ACSL5: variants seen among roughly 807,000 people sequenced by gnomAD.
ACSL5 encodes the protein acyl-CoA synthetase long chain family member 5.
In ACSL5, 50 loss-of-function variants were observed where a neutral mutation model predicts 84.9. The observed-to-expected ratio is 0.59, with a 90% confidence interval of 0.47 to 0.75. The LOEUF is 0.75. ACSL5 is among the 30% of genes least tolerant of loss of function. The pLI, the probability that ACSL5 is intolerant of heterozygous loss-of-function variation, is 0.00. For synonymous variants in ACSL5, 280 were observed against 300.7 expected (o/e 0.93, Z 0.71); for missense variants, 775 against 830.4 (o/e 0.93, Z 0.82).
chr10:112,398,414 T>C (rs996145000), intron 2 of ACSL5, among the ~76,000 whole-genome samples: 8 of 151,770 alleles, frequency 5.3e-5, no homozygotes, highest in African/African-American at 1.9e-4. Context: ...TTTTCTTTTT[T>C]TTTTTTCTGA....
Position 112,413,285 on chromosome 10 carries a change from T to C in ACSL5, c.1061T>C (p.Leu354Pro), listed in dbSNP as rs775916555. 2 of 1,614,074 alleles carry C rather than the reference T, an allele frequency of 1.2e-6. No individual in the cohort carries two copies. Among genetic ancestry groups the C allele is most frequent in the African/African-American group, 1.3e-5 (1 of 74,950 alleles). The change falls in exon 12 of 21, where the codon CTC becomes CCC. Residue 354 changes from leucine (L) to proline (P), a missense_variant. By Grantham distance (98) the Leu-to-Pro change is moderately conservative (BLOSUM62 -3). Transcript: ENST00000354655. ...KPTLFPAVPR[L>P]LNRIYDKVQN... ...ACATTGTTTCCCGCGGTGCCTCGAC[T>C]CCTTAACAGGATCTACGATAAGGTA...
chr10:112,411,974 G>A lies in ACSL5; in HGVS notation c.943G>A (p.Val315Ile), dbSNP rs757243140. The change falls in exon 11 of 21, where the codon GTA (valine) becomes ATA (isoleucine). Residue 315 changes from valine to isoleucine, a missense_variant. Physicochemically the swap from Val to Ile is conservative, Grantham distance 29. Transcript: ENST00000354655. Reference protein sequence around the residue: ...LPLAHMFERIVQAVVYSCGAR... With the variant: ...LPLAHMFERIIQAVVYSCGAR... Reference sequence around the variant, plus strand: ...TCTGGCTCATATGTTTGAGAGGATTGTACAGGTGAGTGTTCTGTGTTCCTA... The same window carrying A: ...TCTGGCTCATATGTTTGAGAGGATTATACAGGTGAGTGTTCTGTGTTCCTA... 6.2e-7 allele frequency: 1 copy of A among 1,611,778 alleles called. No individual in the cohort carries two copies. Among genetic ancestry groups the A allele is most frequent in the Non-Finnish European group, 8.5e-7 (1 of 1,177,820 alleles).
chr10:112,410,574 C>T lies in ACSL5; in HGVS notation c.745-10C>T. ...CATGGTGGAATAAGCCCTTGTGCTT[C>T]CTCCTCCAGCCTCCTAGCCCAGAAG... On this transcript the variant is annotated splice_polypyrimidine_tract_variant and intron_variant, in intron 8 of 20. Coordinates refer to ENST00000354655, the MANE Select transcript of ACSL5 (RefSeq NM_203379.2). 1 of 1,614,124 alleles carries T rather than the reference C, an allele frequency of 6.2e-7. No individual in the cohort carries two copies. Among genetic ancestry groups the T allele is most frequent in the Non-Finnish European group, 8.5e-7 (1 of 1,180,022 alleles).
chr10:112,411,604 G>A (rs1366575616), intron 10 of ACSL5, 75 bp downstream of exon 10: 1 of 1,364,744 alleles, frequency 7.3e-7, no homozygotes, highest in African/African-American at 1.4e-5. Context: ...TGAGGTTAGA[G>A]CAGGCAGACA....
chr10:112,425,935 G>A (rs983637170), intron 18 of ACSL5, among the ~76,000 whole-genome samples: 9 of 152,110 alleles, frequency 5.9e-5, no homozygotes, highest in Admixed American at 5.9e-4. Context: ...CCAAAACAAC[G>A]AACTGTTTTA....
intron 1 of ACSL5, among the ~76,000 whole-genome samples, chr10:112,378,317 G>T (rs889686636): frequency 1.6e-5 from 2 of 126,398 alleles, no homozygotes; most frequent in African/African-American, 6.1e-5. Flanking sequence ...CAACATCTTG[G>T]CTCACTGCAA....
At chr10:112,389,326 G>A (rs1188093186) in intron 1 of ACSL5, among the ~76,000 whole-genome samples, 6 of 152,178 alleles carry the variant, frequency 3.9e-5, no homozygotes, top group Non-Finnish European at 5.9e-5. Flanking sequence ...CCATCCACAG[G>A]AGAGGGGAAG....
chr10:112,378,863 C>T (rs1425347077), intron 1 of ACSL5, among the ~76,000 whole-genome samples: 1 of 152,194 alleles, frequency 6.6e-6, no homozygotes, highest in Non-Finnish European at 1.5e-5. Flanking sequence ...GTTCTCAACT[C>T]ATTGTTTGAA....
At chr10:112,420,814 T>A (rs949889976) in intron 14 of ACSL5, among the ~76,000 whole-genome samples, 11 of 151,148 alleles carry the variant, frequency 7.3e-5, no homozygotes, top group Admixed American at 4.0e-4. Context: ...CTCCGCCTCC[T>A]GGGTTCAAGC....
At chr10:112,422,564 GT>G in intron 17 of ACSL5, 123 bp downstream of exon 17, 5 of 854,310 alleles carry the variant, frequency 5.9e-6, no homozygotes, top group Non-Finnish European at 9.4e-6. Flanking sequence ...AGGGGATTAG[GT>G]TTGTACCCTA....
At chr10:112,402,046 A>G (rs953300051) in intron 3 of ACSL5, among the ~76,000 whole-genome samples, 2 of 150,822 alleles carry the variant, frequency 1.3e-5, no homozygotes, top group African/African-American at 4.9e-5. Context: ...GCTCACTGCA[A>G]CCTCCACCTC....
At chr10:112,376,166 A>T (rs1293023170) in intron 1 of ACSL5, 32 of 1,187,442 alleles carry the variant, frequency 2.7e-5, no homozygotes, top group Non-Finnish European at 3.7e-5. Context: ...CCTGGTCAGA[A>T]CACTTCCACT....
At chr10:112,409,989 G>A (rs73363057) in intron 7 of ACSL5, 1 of 204,056 alleles carries the variant, frequency 4.9e-6, no homozygotes, top group Non-Finnish European at 8.7e-6. Context: ...TCGCATGCCA[G>A]CTCCACATCT....
intron 6 of ACSL5, 186 bp from the exon 7 acceptor site, chr10:112,409,321 T>C (rs1283044755): frequency 1.7e-6 from 1 of 574,440 alleles, no homozygotes; most frequent in African/African-American, 1.9e-5. Context: ...TGTGCTTCTG[T>C]TTCAGTTAAG....
intron 3 of ACSL5, among the ~76,000 whole-genome samples, 165 bp from the exon 4 acceptor site, chr10:112,404,346 A>G (rs956155521): frequency 1.3e-5 from 2 of 152,160 alleles, no homozygotes; most frequent in Non-Finnish European, 2.9e-5. Flanking sequence ...TTCATTTTTG[A>G]GGACTCAGTG....
intron 18 of ACSL5, 167 bp downstream of exon 18, chr10:112,425,648 C>CAAATTTGA: frequency 3.3e-6 from 2 of 601,396 alleles, no homozygotes; most frequent in Non-Finnish European, 5.1e-6. Context: ...AAGGCAATTT[C>CAAATTTGA]AATTTAAAAA....
chr10:112,411,637 C>T, intron 10 of ACSL5, 108 bp downstream of exon 10: 1 of 1,014,544 alleles, frequency 9.9e-7, no homozygotes. Flanking sequence ...TACACACACA[C>T]ACACACACAC....
intron 2 of ACSL5, among the ~76,000 whole-genome samples, chr10:112,397,582 CT>C (rs1477303546): frequency 1.3e-5 from 2 of 152,130 alleles, no homozygotes; most frequent in African/African-American, 4.8e-5. Flanking sequence ...CTGGAATTTT[CT>C]TTTTTCTCCT....
In ACSL5 at chr10:112,421,616, A is replaced by T. The variant is rs766879919; in HGVS notation, c.1338A>T (p.Thr446=). ...AGGTGTATGAAGCTTATGGTCAAAC[A>T]GAATGCACAGGTGGCTGTACATTTA... ...GCQVYEAYGQ[T]ECTGGCTFTL... The change falls in exon 15 of 21, where the codon ACA becomes ACT. Residue 446 remains threonine (T), a synonymous_variant. Transcript: ENST00000354655. 22 of 1,614,204 alleles carry T rather than the reference A, an allele frequency of 1.4e-5. No homozygotes were observed. The highest frequency in any genetic ancestry group is 5.0e-5 in the Admixed American group (3 of 60,032).
Sources: gnomAD v4.1 joint callset for allele counts (sites outside exome capture counted in the v4.1 genomes callset) on GRCh38, gnomAD v4.1.1 for gene constraint, MANE v1.5 for transcripts, NCBI Gene and HGNC (gene_info 2026-07-23, HGNC 2026-07-21) for gene names.